The following TASP1 variants were observed in gnomAD, a reference collection of about 807,000 sequenced individuals.
TASP1 encodes taspase 1.
Under a neutral mutation model 56.6 loss-of-function variants are expected in TASP1, and 16 were observed. The observed-to-expected ratio is 0.28, with a 90% CI of 0.19 to 0.43. The LOEUF (loss-of-function observed/expected upper bound fraction) is 0.43. TASP1 is among the 20% of genes least tolerant of loss of function. TASP1 has a pLI of 1.00. For missense variants in TASP1, 393 were observed against 511.6 expected (o/e 0.77, Z 2.24); for synonymous variants, 179 against 184.2 (o/e 0.97, Z 0.23).
chr20:13,444,281 AGGTAGC>A (rs2043320986), intron 11 of TASP1, among the ~76,000 whole-genome samples: 1 of 152,190 alleles, frequency 6.6e-6, no homozygotes, highest in Non-Finnish European at 1.5e-5. Flanking sequence ...TGTAGCTAGA[AGGTAGC>A]TGCTAGTGTT....
the TASP1 span, among the ~76,000 whole-genome samples, chr20:13,345,382 C>A: frequency 6.6e-6 from 1 of 152,176 alleles, no homozygotes; most frequent in African/African-American, 2.4e-5. Flanking sequence ...CAGGACCACA[C>A]CCAAACGCCA....
At chr20:13,408,441 T>C (rs907978148) in intron 13 of TASP1, among the ~76,000 whole-genome samples, 4 of 152,292 alleles carry the variant, frequency 2.6e-5, no homozygotes, top group East Asian at 1.9e-4. Context: ...TATATATTCA[T>C]GACAGCTATT....
intron 4 of TASP1, among the ~76,000 whole-genome samples, chr20:13,602,928 A>G (rs1343218176): frequency 6.6e-6 from 1 of 152,108 alleles, no homozygotes; most frequent in African/African-American, 2.4e-5. Context: ...GTTCTAAAAT[A>G]AGTTTATTAA....
At chr20:13,366,530 A>G in the TASP1 span, among the ~76,000 whole-genome samples, 3 of 152,166 alleles carry the variant, frequency 2.0e-5, no homozygotes, top group African/African-American at 7.2e-5. Flanking sequence ...CCCAAAACAC[A>G]CCACACCCAG....
At chr20:13,304,347 G>A in the TASP1 span, among the ~76,000 whole-genome samples, 1 of 152,186 alleles carries the variant, frequency 6.6e-6, no homozygotes, top group Admixed American at 6.5e-5. Context: ...TGGAATCAAA[G>A]TGGGCGGTCA....
the TASP1 span, among the ~76,000 whole-genome samples, chr20:13,111,406 G>A: frequency 6.6e-6 from 1 of 152,324 alleles, no homozygotes; most frequent in African/African-American, 2.4e-5. Context: ...CTGCAGTAGT[G>A]TGTGACTGGC....
At chr20:13,338,989 A>C in the TASP1 span, among the ~76,000 whole-genome samples, 1 of 152,274 alleles carries the variant, frequency 6.6e-6, no homozygotes, top group East Asian at 1.9e-4. Flanking sequence ...CTTTCTAAGC[A>C]CAAAACAAAA....
the TASP1 span, among the ~76,000 whole-genome samples, chr20:13,146,842 A>C: frequency 6.6e-6 from 1 of 152,156 alleles, no homozygotes; most frequent in Non-Finnish European, 1.5e-5. Context: ...CGAGTTTACC[A>C]GTTTTTCCAA....
intron 6 of TASP1, among the ~76,000 whole-genome samples, chr20:13,573,001 A>G (rs1180929119): frequency 6.6e-6 from 1 of 152,234 alleles, no homozygotes; most frequent in Non-Finnish European, 1.5e-5. Context: ...TCTGGACTCA[A>G]GAACTGATTT....
the TASP1 span, among the ~76,000 whole-genome samples, chr20:13,194,801 T>C: frequency 6.6e-6 from 1 of 152,302 alleles, no homozygotes; most frequent in South Asian, 2.1e-4. Flanking sequence ...TGAATCCTAA[T>C]TGATCGATCA....
chr20:13,299,059 A>G, the TASP1 span: 4 of 1,613,856 alleles, frequency 2.5e-6, no homozygotes, highest in Non-Finnish European at 3.4e-6. This position sits in a 1 kb window ranked among gnomAD's most constrained non-coding sequence, Gnocchi z 5.8. Flanking sequence ...GAGGTGGCCT[A>G]CAGCACGGCC....
chr20:13,113,119 G>A, the TASP1 span, among the ~76,000 whole-genome samples: 1 of 152,116 alleles, frequency 6.6e-6, no homozygotes, highest in Non-Finnish European at 1.5e-5. Context: ...GGAGGCAGAG[G>A]TTGCAGTGAG....
chr20:13,492,283 G>A (rs1363156260), intron 10 of TASP1, among the ~76,000 whole-genome samples: 1 of 152,188 alleles, frequency 6.6e-6, no homozygotes, highest in Non-Finnish European at 1.5e-5. Flanking sequence ...CCTCTTAGAA[G>A]TCCACAGGGA....
chr20:13,519,197 C>G lies in TASP1; in HGVS notation c.874+9236G>C, dbSNP rs377106456. Among the ~76,000 whole-genome samples the G allele has an allele frequency of 1.6e-3, 236 of 152,126 alleles. 1 individual carries two copies. Among genetic ancestry groups the G allele is most frequent in the South Asian group, 1.0e-2 (48 of 4,818 alleles). ...ACTAGAGTGCGGAGGAAAGAAGAGG[C>G]ACAAGGGTTGAAAAACTATCTATTG... On this transcript the variant is annotated intron_variant, in intron 10 of 13. Transcript: ENST00000337743.
At chr20:13,448,801 C>T (rs2043510231) in intron 11 of TASP1, among the ~76,000 whole-genome samples, 1 of 151,916 alleles carries the variant, frequency 6.6e-6, no homozygotes, top group South Asian at 2.1e-4. Context: ...AATCACCATC[C>T]ATAATACTCC....
At chr20:13,172,491 T>C in the TASP1 span, among the ~76,000 whole-genome samples, 1 of 152,162 alleles carries the variant, frequency 6.6e-6, no homozygotes, top group African/African-American at 2.4e-5. Flanking sequence ...CTTTCATAAA[T>C]GATGTCCATT....
chr20:13,269,260 G>T, the TASP1 span, among the ~76,000 whole-genome samples: 3 of 152,164 alleles, frequency 2.0e-5, no homozygotes, highest in Admixed American at 6.5e-5. Context: ...CTGAAGGCTG[G>T]AGTAAATCTT....
chr20:13,512,099 A>C (rs992753434), intron 10 of TASP1, among the ~76,000 whole-genome samples: 17 of 152,256 alleles, frequency 1.1e-4, no homozygotes, highest in African/African-American at 3.4e-4. Context: ...AGCATGTTTT[A>C]TAATCCTTTG....
chr20:13,237,145 C>T, the TASP1 span, among the ~76,000 whole-genome samples: 1 of 152,214 alleles, frequency 6.6e-6, no homozygotes, highest in Non-Finnish European at 1.5e-5. Flanking sequence ...CCTCCCACAA[C>T]ACATGAGAAT....
Sources: gnomAD v4.1 joint callset for allele counts (sites outside exome capture counted in the v4.1 genomes callset) on GRCh38, gnomAD v4.1.1 for gene constraint, Gnocchi (gnomAD v3.1) non-coding constraint, MANE v1.5 for transcripts, NCBI Gene and HGNC (gene_info 2026-07-23, HGNC 2026-07-21) for gene names.